Variants in FGFR1 observed in about 807,000 individuals in gnomAD.
The protein encoded by FGFR1 is FGFR1/PLAG1 fusion.
In FGFR1, 18 loss-of-function variants were observed where a neutral mutation model predicts 93.7. That is an observed-to-expected ratio of 0.19 (90% CI 0.13 to 0.28). FGFR1 has a LOEUF of 0.28. FGFR1 is among the 10% of genes least tolerant of loss of function. FGFR1 has a pLI of 1.00. For missense variants in FGFR1, 731 were observed against 1,080.4 expected (o/e 0.68, Z 4.53); for synonymous variants, 448 against 429.3 (o/e 1.04, Z -0.54).
intron 7 of FGFR1, among the ~76,000 whole-genome samples, chr8:38,422,554 C>T (rs962416608): frequency 6.6e-6 from 1 of 152,190 alleles, no homozygotes; most frequent in Non-Finnish European, 1.5e-5. Flanking sequence ...CAGGCACACG[C>T]CACCATACTT....
intron 12 of FGFR1, 144 bp from the exon 13 acceptor site, chr8:38,416,204 T>C: frequency 1.4e-6 from 1 of 703,584 alleles, no homozygotes; most frequent in Non-Finnish European, 2.5e-6. Flanking sequence ...AAATCCATTC[T>C]ACTACCCAAA....
At chr8:38,451,565 G>A (rs930329945) in intron 2 of FGFR1, among the ~76,000 whole-genome samples, 1 of 152,092 alleles carries the variant, frequency 6.6e-6, no homozygotes, top group African/African-American at 2.4e-5. Context: ...ACAAAGCCCC[G>A]CTTTGTGGTG....
chr8:38,426,036 CT>C lies in FGFR1; in HGVS notation c.745+85del. On this transcript the variant is annotated intron_variant, in intron 6 of 17. Transcript: ENST00000447712. This position sits in a 1 kb window ranked among gnomAD's most constrained non-coding sequence, Gnocchi z 4.1. The stretch of plus-strand genomic sequence containing the variant: ...GCCAATCGCTATCCTGACTCTGCCC[CT>C]AAGAAACCTGGACACCCCGGCTGTG... 1 of 1,598,380 alleles carries C rather than the reference CT, an allele frequency of 6.3e-7. No individual in the cohort carries two copies. The highest frequency in any genetic ancestry group is 8.6e-7 in the Non-Finnish European group (1 of 1,169,118).
intron 1 of FGFR1, chr8:38,467,764 G>T (rs1586835039): frequency 4.3e-6 from 1 of 233,174 alleles, no homozygotes; most frequent in Non-Finnish European, 8.5e-6. Context: ...CAGGGAGGGG[G>T]CGCAGGAGAC....
At chr8:38,434,215 A>G (rs1454449104) in intron 2 of FGFR1, 1 of 157,522 alleles carries the variant, frequency 6.3e-6, no homozygotes, top group Non-Finnish European at 1.4e-5. Flanking sequence ...TAAAATTTCA[A>G]ATGTTGCCCA....
At chr8:38,419,466 G>C (rs1185656107) in intron 9 of FGFR1, 67 bp downstream of exon 9, 1 of 1,399,848 alleles carries the variant, frequency 7.1e-7, no homozygotes, top group Non-Finnish European at 1.0e-6. Context: ...GGACAATGGA[G>C]AGGGCAGGGC....
chr8:38,449,103 G>C (rs1304463879), intron 2 of FGFR1, among the ~76,000 whole-genome samples: 1 of 150,876 alleles, frequency 6.6e-6, no homozygotes, highest in African/African-American at 2.5e-5. Flanking sequence ...CTAGGTCTCA[G>C]GAGAAAAAAA....
At chr8:38,440,458 TG>T in intron 2 of FGFR1, 5 of 1,135,036 alleles carry the variant, frequency 4.4e-6, no homozygotes, top group South Asian at 3.2e-5. Context: ...GCTGCAAAAA[TG>T]GGGGGCACAG....
rs11994558 is a variant in FGFR1, at chr8:38,425,428, G to T, written c.745+694C>A. Among the ~76,000 whole-genome samples the T allele has an allele frequency of 4.7e-3, 719 of 152,260 alleles. 10 individuals carry two copies. Among genetic ancestry groups the T allele is most frequent in the African/African-American group, 0.016 (673 of 41,546 alleles). ...CTCCTAAAGTGATGGGATCACAGGC[G>T]TGAGTAATCCCATCATGCCACCTGG... is the stretch of plus-strand genomic sequence containing the variant. On this transcript the variant is annotated intron_variant, in intron 6 of 17. Transcript: ENST00000447712.
At position 38,429,941 on chromosome 8, in the gene FGFR1, G is replaced by T; in HGVS notation, c.99C>A (p.Pro33=). ...ACTCCACTTCCACAGGGGCTCCCCA[G>T]GGCTGGGCTGCAGCCACCACGGGGC... ...PSPTLPEQAQ[P]WGAPVEVESF... The change falls in exon 3 of 18, where the codon CCC becomes CCA. Residue 33 remains proline, a synonymous_variant. Transcript: ENST00000447712. This position sits in a 1 kb window ranked among gnomAD's most constrained non-coding sequence, Gnocchi z 4.4. 6.2e-7 allele frequency: 1 copy of T among 1,607,126 alleles called. No individual in the cohort carries two copies.
chr8:38,411,705 C>G lies in FGFR1; in HGVS notation c.*1923G>C. On this transcript the variant is annotated 3_prime_UTR_variant, in exon 18 of 18. Transcript: ENST00000447712. ...TTTGAGCCATGAGGTACGGGGGAGCCAGAATCCACTTAGTGAGGACAGTGA... is the reference window on the plus strand; with the variant it reads ...TTTGAGCCATGAGGTACGGGGGAGCGAGAATCCACTTAGTGAGGACAGTGA... The G allele has an allele frequency of 4.3e-6, 1 of 230,996 alleles. No individual in the cohort carries two copies. Among genetic ancestry groups the G allele is most frequent in the Non-Finnish European group, 8.6e-6 (1 of 116,416 alleles). The allele number at this position is 230,996 out of a possible 1,614,324, so 14.3% of individuals were successfully genotyped here. A position where few individuals can be genotyped will look rare whatever the true frequency, so the allele number is the denominator to read the frequency against.
At chr8:38,415,468 ATTTTTTTT>A (rs11451619) in intron 13 of FGFR1, among the ~76,000 whole-genome samples, 1 of 141,690 alleles carries the variant, frequency 7.1e-6, no homozygotes, top group Non-Finnish European at 1.5e-5. Context: ...TAATTTTTTA[ATTTTTTTT>A]TTTTTTTTAA....
chr8:38,448,909 C>A (rs556528855), intron 2 of FGFR1, among the ~76,000 whole-genome samples: 1 of 152,078 alleles, frequency 6.6e-6, no homozygotes, highest in African/African-American at 2.4e-5. Flanking sequence ...GAGCCGAGAT[C>A]GCGCCACTGC....
chr8:38,411,239 A>G lies in FGFR1; in HGVS notation c.*2389T>C, dbSNP rs757468007. On this transcript the variant is annotated 3_prime_UTR_variant, in exon 18 of 18. Transcript: ENST00000447712. ...CAGCAAGGACATCACTGTAATTATG[A>G]TAGTGCCTTATATTTTTCTAGCACC... 1.1e-4 allele frequency: 23 copies of G among 206,944 alleles called. No individual in the cohort carries two copies. The highest frequency in any genetic ancestry group is 2.0e-4 in the Non-Finnish European group (20 of 101,416). The allele number at this position is 206,944 out of a possible 1,614,324, so 12.8% of individuals were successfully genotyped here.
At chr8:38,447,837 T>C (rs997846280) in intron 2 of FGFR1, among the ~76,000 whole-genome samples, 7 of 152,206 alleles carry the variant, frequency 4.6e-5, no homozygotes, top group South Asian at 2.1e-4. Context: ...TGGGGGATAT[T>C]TGGTATAGTG....
At chr8:38,467,919 G>C (rs1301052973) in intron 1 of FGFR1, 62 bp downstream of exon 1, 7 of 218,332 alleles carry the variant, frequency 3.2e-5, no homozygotes, top group Non-Finnish European at 6.4e-5. Flanking sequence ...GGGAGGCTCC[G>C]GCGCCGGGGG....
intron 1 of FGFR1, among the ~76,000 whole-genome samples, chr8:38,460,805 C>T (rs150409204): frequency 1.3e-5 from 2 of 152,156 alleles, no homozygotes; most frequent in African/African-American, 4.8e-5. Flanking sequence ...CTGTCTGGGA[C>T]CCTGCCACCT....
chr8:38,436,814 A>G (rs1293774057), intron 2 of FGFR1, among the ~76,000 whole-genome samples: 2 of 152,092 alleles, frequency 1.3e-5, no homozygotes, highest in East Asian at 3.9e-4. Context: ...GGCCCTACTG[A>G]ATCCCTCTTC....
intron 13 of FGFR1, 26 bp downstream of exon 13, chr8:38,415,844 C>G (rs777647992): frequency 1.2e-6 from 2 of 1,607,568 alleles, no homozygotes; most frequent in African/African-American, 2.7e-5. Flanking sequence ...CCTGGCATTA[C>G]CCAGGGGAGC....
Sources: allele counts gnomAD v4.1 joint callset (sites outside exome capture counted in the v4.1 genomes callset), GRCh38; gene constraint gnomAD v4.1.1; non-coding constraint Gnocchi (gnomAD v3.1); transcripts MANE v1.5; gene names NCBI Gene and HGNC (gene_info 2026-07-23, HGNC 2026-07-21).